The following TGM7 variants were observed in gnomAD, a reference collection of about 807,000 sequenced individuals.
TGM7 encodes transglutaminase 7.
Under a neutral mutation model 79.5 loss-of-function variants are expected in TGM7, and 74 were observed. The observed-to-expected ratio is 0.93, with a 90% confidence interval of 0.77 to 1.13. The LOEUF is 1.13. Ranked by LOEUF, TGM7 falls within the 50% of genes most tolerant of loss-of-function variation. The probability of loss-of-function intolerance (pLI) is 0.00; values close to 1 mark genes in which losing one functional copy is unlikely to be tolerated. For synonymous variants in TGM7, 354 were observed against 362.5 expected (o/e 0.98, Z 0.27); for missense variants, 912 against 905.9 (o/e 1.01, Z -0.09).
intron 4 of TGM7, among the ~76,000 whole-genome samples, 183 bp from the exon 5 acceptor site, chr15:43,287,852 A>C (rs2042943962): frequency 6.6e-6 from 1 of 152,174 alleles, no homozygotes; most frequent in South Asian, 2.1e-4. Context: ...GGAATGTATT[A>C]GGTTTGAAAT....
At chr15:43,283,388 A>G (rs1440126201) in intron 7 of TGM7, among the ~76,000 whole-genome samples, 2 of 152,182 alleles carry the variant, frequency 1.3e-5, no homozygotes, top group African/African-American at 4.8e-5. Context: ...GCTACGCAGA[A>G]TGTTGTCTCC....
chr15:43,292,863 G>T lies in TGM7; in HGVS notation c.285C>A (p.Thr95=), dbSNP rs1276811427. 2 of 1,613,968 alleles carry T rather than the reference G, an allele frequency of 1.2e-6. No homozygotes were observed. Among genetic ancestry groups the T allele is most frequent in the African/African-American group, 2.7e-5 (2 of 74,938 alleles). The change falls in exon 3 of 13, where the codon ACC becomes ACA. Residue 95 remains threonine, a synonymous_variant. Transcript: ENST00000452443. ...AAACTTGGAGAGAGTTGGAGTCAAT[G>T]GTGAAATCAGAAGCGCTCCAGACAT... ...PGNVWSASDF[T]IDSNSLQVSL...
chr15:43,293,665 T>C, intron 1 of TGM7, 34 bp from the exon 2 acceptor site: 5 of 1,544,766 alleles, frequency 3.2e-6, no homozygotes, highest in Middle Eastern at 2.2e-4. Flanking sequence ...CACGCCCACC[T>C]GCAGTCCCCT....
At chr15:43,282,364 G>T (rs1399943763) in intron 8 of TGM7, among the ~76,000 whole-genome samples, 153 bp downstream of exon 8, 1 of 152,188 alleles carries the variant, frequency 6.6e-6, no homozygotes, top group African/African-American at 2.4e-5. Flanking sequence ...CAATGGTAGA[G>T]TTAGATTCCT....
intron 2 of TGM7, 142 bp downstream of exon 2, chr15:43,293,307 C>T: frequency 1.8e-6 from 2 of 1,126,330 alleles, no homozygotes; most frequent in East Asian, 2.4e-5. Context: ...CTAACAGGGT[C>T]CTGAGCATGA....
At chr15:43,278,167 TG>T (rs749040034) in intron 11 of TGM7, among the ~76,000 whole-genome samples, 1 of 151,870 alleles carries the variant, frequency 6.6e-6, no homozygotes, top group African/African-American at 2.4e-5. Context: ...TCTATTGGGG[TG>T]GGGAGGGGCA....
At chr15:43,295,637 T>G (rs186559085) in intron 1 of TGM7, among the ~76,000 whole-genome samples, 110 of 152,346 alleles carry the variant, frequency 7.2e-4, no homozygotes, top group South Asian at 4.8e-3. Flanking sequence ...GCTGTTCAAC[T>G]GCTTTAACTA....
At chr15:43,291,652 C>T (rs369345244) in intron 4 of TGM7, among the ~76,000 whole-genome samples, 5 of 152,164 alleles carry the variant, frequency 3.3e-5, no homozygotes, top group African/African-American at 7.2e-5. Flanking sequence ...TGCAAACCCC[C>T]GGTGTTGATG....
rs1033993100 is a variant in TGM7, at chr15:43,298,720, T to C, written c.10+3521A>G. 2.6e-5 allele frequency among the ~76,000 whole-genome samples: 4 copies of C among 151,976 alleles called. No individual in the cohort carries two copies. The South Asian group carries it at 8.3e-4, about 32-fold the overall frequency. On this transcript the variant is annotated intron_variant, in intron 1 of 12. Coordinates refer to ENST00000452443, the MANE Select transcript of TGM7 (RefSeq NM_052955.3). ...GTGAGCCAAGATCGGGCCACTGCACTCCAGCCTGGTGGCAGAGCGAGACTC... is the reference window on the plus strand; with the variant it reads ...GTGAGCCAAGATCGGGCCACTGCACCCCAGCCTGGTGGCAGAGCGAGACTC...
At chr15:43,285,160 A>T (rs2042928920) in intron 6 of TGM7, among the ~76,000 whole-genome samples, 1 of 152,208 alleles carries the variant, frequency 6.6e-6, no homozygotes, top group East Asian at 1.9e-4. Context: ...GGAGAAAGGA[A>T]TCATTTGAGG....
chr15:43,279,771 C>A lies in TGM7; in HGVS notation c.1532G>T (p.Arg511Leu), dbSNP rs776705863. 4 of 1,614,080 alleles carry A rather than the reference C, an allele frequency of 2.5e-6. No homozygotes were observed. Among genetic ancestry groups the A allele is most frequent in the Non-Finnish European group, 3.4e-6 (4 of 1,180,034 alleles). The change falls in exon 10 of 13, where the codon CGT becomes CTT. Residue 511 changes from arginine (R) to leucine (L), a missense_variant. Transcript: ENST00000452443. ...EWGQDLQLLL[R>L]IQRVPDSTHP... ...GGTGCTGTCTGGCACCCTCTGGATACGCAGCAGCAGCTGCAGGTCCTGGCC... is the reference window on the plus strand; with the variant it reads ...GGTGCTGTCTGGCACCCTCTGGATAAGCAGCAGCAGCTGCAGGTCCTGGCC...
intron 1 of TGM7, among the ~76,000 whole-genome samples, chr15:43,298,551 G>A (rs2043011421): frequency 6.6e-6 from 1 of 152,144 alleles, no homozygotes; most frequent in Non-Finnish European, 1.5e-5. Flanking sequence ...GGTCGAGATC[G>A]AGATCATCCT....
In TGM7 at chr15:43,279,151, T is replaced by C; in HGVS notation, c.1805A>G (p.Asp602Gly). ...ETGRSMLVLK[D>G]ICLEPPHLSI... ...CAAGTGGGGAGGCTCCAGACAGATA[T>C]CTTTTAGGACCAGCATGGACCTCCC... is the stretch of plus-strand genomic sequence containing the variant. Residue 602 changes from aspartate (D) to glycine (G), a missense_variant, in exon 11 of 13, where the codon GAT becomes GGT. By Grantham distance (94) the Asp-to-Gly change is moderately conservative (BLOSUM62 -1). Coordinates refer to ENST00000452443, the MANE Select transcript of TGM7 (RefSeq NM_052955.3). The C allele has an allele frequency of 6.2e-7, 1 of 1,614,024 alleles. No individual in the cohort carries two copies. The highest frequency in any genetic ancestry group is 8.5e-7 in the Non-Finnish European group (1 of 1,180,002).
intron 1 of TGM7, among the ~76,000 whole-genome samples, chr15:43,294,890 A>G (rs1596465168): frequency 6.7e-6 from 1 of 148,240 alleles, no homozygotes; most frequent in Non-Finnish European, 1.5e-5. Context: ...CATCTTTCCT[A>G]CCTATCTTGA....
intron 1 of TGM7, among the ~76,000 whole-genome samples, chr15:43,300,659 G>A: frequency 6.6e-6 from 1 of 152,152 alleles, no homozygotes; most frequent in Non-Finnish European, 1.5e-5. Context: ...AAATTAGCCA[G>A]GCGTGGTAGC....
intron 9 of TGM7, among the ~76,000 whole-genome samples, chr15:43,280,906 C>T (rs981348929): frequency 6.6e-6 from 1 of 152,168 alleles, no homozygotes; most frequent in Non-Finnish European, 1.5e-5. Flanking sequence ...CAAAGGCAGC[C>T]GCTGAGTGTC....
At chr15:43,286,108 C>T (rs536092542) in intron 6 of TGM7, among the ~76,000 whole-genome samples, 18 of 152,314 alleles carry the variant, frequency 1.2e-4, no homozygotes, top group African/African-American at 4.3e-4. Flanking sequence ...CACTGAAGAG[C>T]CCCCAAGAAG....
At chr15:43,281,176 C>T (rs1262519540) in intron 9 of TGM7, among the ~76,000 whole-genome samples, 1 of 152,232 alleles carries the variant, frequency 6.6e-6, no homozygotes, top group Non-Finnish European at 1.5e-5. Flanking sequence ...AACAGCCGTC[C>T]GAGGGACTGT....
intron 1 of TGM7, among the ~76,000 whole-genome samples, chr15:43,300,758 G>A (rs1050265923): frequency 2.6e-5 from 4 of 152,142 alleles, no homozygotes; most frequent in Non-Finnish European, 5.9e-5. Flanking sequence ...CCGAGATTGC[G>A]CCACTGCACT....
Sources: allele counts gnomAD v4.1 joint callset (sites outside exome capture counted in the v4.1 genomes callset), GRCh38; gene constraint gnomAD v4.1.1; transcripts MANE v1.5; gene names NCBI Gene and HGNC (gene_info 2026-07-23, HGNC 2026-07-21).